The following CNTN1 variants were observed in gnomAD, a reference collection of about 807,000 sequenced individuals.
The protein encoded by CNTN1 is contactin 1.
A neutral mutation model predicts 126.4 loss-of-function variants in CNTN1; 38 were observed. The ratio of observed to expected loss-of-function variants is 0.30; its 90% CI spans 0.23 to 0.39. The LOEUF (loss-of-function observed/expected upper bound fraction) is 0.39, where lower values mean the gene tolerates loss of function less well. CNTN1 is among the 10% of genes least tolerant of loss of function. The probability of loss-of-function intolerance (pLI) is 1.00; values close to 1 mark genes in which losing one functional copy is unlikely to be tolerated. For missense variants in CNTN1, 1,009 were observed against 1,248.4 expected (o/e 0.81, Z 2.89); for synonymous variants, 413 against 422.6 (o/e 0.98, Z 0.28).
At chr12:41,060,085 G>A (rs1444076473) in intron 23 of CNTN1, among the ~76,000 whole-genome samples, 1 of 152,088 alleles carries the variant, frequency 6.6e-6, no homozygotes, top group Non-Finnish European at 1.5e-5. Context: ...AGAATCTTAT[G>A]AATAAATGAA....
chr12:40,716,470 G>A (rs932559624), intron 1 of CNTN1, among the ~76,000 whole-genome samples: 6 of 152,028 alleles, frequency 3.9e-5, no homozygotes, highest in Admixed American at 3.9e-4. Flanking sequence ...TCTAACAAAT[G>A]TTGAAAGTCC....
chr12:40,922,187 C>A, intron 4 of CNTN1, 69 bp from the exon 5 acceptor site: 1 of 1,347,544 alleles, frequency 7.4e-7, no homozygotes, highest in Non-Finnish European at 1.1e-6. Flanking sequence ...TATTTTAGAA[C>A]TGTGTTAGCT....
chr12:40,860,061 A>C (rs1199291309), intron 1 of CNTN1, among the ~76,000 whole-genome samples: 1 of 152,098 alleles, frequency 6.6e-6, no homozygotes, highest in Non-Finnish European at 1.5e-5. Context: ...AAACCCTATA[A>C]GACTTTTACA....
intron 1 of CNTN1, among the ~76,000 whole-genome samples, chr12:40,772,450 G>T (rs1280095154): frequency 6.6e-6 from 1 of 151,756 alleles, no homozygotes; most frequent in Non-Finnish European, 1.5e-5. Flanking sequence ...ATCTAATCTG[G>T]TATTAAAACT....
intron 1 of CNTN1, among the ~76,000 whole-genome samples, chr12:40,722,265 G>A (rs1703590870): frequency 6.6e-6 from 1 of 152,240 alleles, no homozygotes; most frequent in Non-Finnish European, 1.5e-5. Flanking sequence ...TTCTGAACTG[G>A]TTTAAGGCAA....
intron 1 of CNTN1, among the ~76,000 whole-genome samples, chr12:40,775,226 G>A (rs11178311): frequency 0.23 from 34,653 of 151,152 alleles, 4,136 homozygotes; most frequent in Non-Finnish European, 0.26. Flanking sequence ...AACTTTAGAT[G>A]CTGTATTTGG....
intron 1 of CNTN1, among the ~76,000 whole-genome samples, chr12:40,829,064 C>A (rs1941715889): frequency 6.6e-6 from 1 of 152,032 alleles, no homozygotes; most frequent in South Asian, 2.1e-4. Context: ...AACTGAAAAA[C>A]ACAGTACTAT....
intron 23 of CNTN1, among the ~76,000 whole-genome samples, chr12:41,031,669 G>A (rs1275257186): frequency 6.6e-6 from 1 of 151,782 alleles, no homozygotes; most frequent in Non-Finnish European, 1.5e-5. Flanking sequence ...CCCAAACTTA[G>A]GATATTTTTC....
intron 14 of CNTN1, among the ~76,000 whole-genome samples, chr12:40,956,357 A>G (rs1481727498): frequency 6.6e-6 from 1 of 152,108 alleles, no homozygotes; most frequent in East Asian, 1.9e-4. Context: ...TCAACCACAT[A>G]ATCACAAAAG....
intron 1 of CNTN1, among the ~76,000 whole-genome samples, chr12:40,885,623 A>T (rs1944003669): frequency 6.6e-6 from 1 of 152,028 alleles, no homozygotes; most frequent in Non-Finnish European, 1.5e-5. Context: ...AACTCCAATG[A>T]GAATTAAATG....
At chr12:40,811,511 A>T (rs73116760) in intron 1 of CNTN1, among the ~76,000 whole-genome samples, 5 of 152,112 alleles carry the variant, frequency 3.3e-5, no homozygotes, top group Non-Finnish European at 7.4e-5. Flanking sequence ...GTTTGGTAGA[A>T]TTCACCAGTA....
In CNTN1 at chr12:40,948,843, T is replaced by C. The variant is rs144664597; in HGVS notation, c.1683+4673T>C. On this transcript the variant is annotated intron_variant, in intron 14 of 23. Coordinates refer to ENST00000551295, the MANE Select transcript of CNTN1 (RefSeq NM_001843.4). Reference sequence around the variant, plus strand: ...CATTCTCCCTACACTGTTGGCCACCTTTGCAATACACTGTAAGTCATGTCT... The same window carrying C: ...CATTCTCCCTACACTGTTGGCCACCCTTGCAATACACTGTAAGTCATGTCT... Among the ~76,000 whole-genome samples the C allele has an allele frequency of 6.7e-4, 102 of 152,340 alleles. 2 individuals carry two copies. Among genetic ancestry groups the C allele is most frequent in the African/African-American group, 2.3e-3 (94 of 41,578 alleles).
chr12:40,955,261 A>G (rs1057098909), intron 14 of CNTN1, among the ~76,000 whole-genome samples: 1 of 152,026 alleles, frequency 6.6e-6, no homozygotes, highest in Non-Finnish European at 1.5e-5. Flanking sequence ...TATAGAGATT[A>G]CCTTCTAGAA....
chr12:40,855,960 T>C (rs945922365), intron 1 of CNTN1, among the ~76,000 whole-genome samples: 13 of 152,124 alleles, frequency 8.5e-5, no homozygotes, highest in Admixed American at 7.9e-4. Flanking sequence ...CATACCAGTA[T>C]TTCTCAACAT....
At chr12:40,951,757 T>C (rs1220282306) in intron 14 of CNTN1, among the ~76,000 whole-genome samples, 1 of 107,600 alleles carries the variant, frequency 9.3e-6, no homozygotes, top group Non-Finnish European at 2.0e-5. Flanking sequence ...AAAAGGAAAA[T>C]GGTTTTGTGA....
chr12:40,990,488 C>G (rs1005680854), intron 16 of CNTN1, among the ~76,000 whole-genome samples: 2 of 152,142 alleles, frequency 1.3e-5, no homozygotes, highest in Admixed American at 1.3e-4. Context: ...TCGTTAAAAT[C>G]AAAGCCTTGG....
At chr12:40,747,990 GA>G (rs1485273558) in intron 1 of CNTN1, among the ~76,000 whole-genome samples, 2 of 152,130 alleles carry the variant, frequency 1.3e-5, no homozygotes, top group Non-Finnish European at 2.9e-5. Context: ...CCACATTGTG[GA>G]GGGCATAAAA....
intron 20 of CNTN1, among the ~76,000 whole-genome samples, 154 bp downstream of exon 20, chr12:41,020,594 T>A (rs1480384440): frequency 2.0e-5 from 3 of 152,198 alleles, no homozygotes; most frequent in Non-Finnish European, 4.4e-5. Flanking sequence ...ATAAGTTAAT[T>A]GTTAAGAATA....
At chr12:40,818,849 G>T (rs1410388871) in intron 1 of CNTN1, among the ~76,000 whole-genome samples, 2 of 152,092 alleles carry the variant, frequency 1.3e-5, no homozygotes, top group Admixed American at 6.6e-5. Flanking sequence ...TTTGGATGGG[G>T]TTTTTCTGGG....
Sources: allele counts gnomAD v4.1 joint callset (sites outside exome capture counted in the v4.1 genomes callset), GRCh38; gene constraint gnomAD v4.1.1; transcripts MANE v1.5; gene names NCBI Gene and HGNC (gene_info 2026-07-23, HGNC 2026-07-21).